CFAP69: variants seen among roughly 807,000 people sequenced by gnomAD.
The protein encoded by CFAP69 is cilia- and flagella-associated protein 69.
Under a neutral mutation model 123.0 loss-of-function variants are expected in CFAP69, and 92 were observed. The observed-to-expected ratio is 0.75, with a 90% CI of 0.63 to 0.89. CFAP69 has a LOEUF of 0.89. Ranked by LOEUF, CFAP69 falls within the 40% of genes least tolerant of loss-of-function variation. CFAP69 has a pLI of 0.00. For synonymous variants in CFAP69, 380 were observed against 364.3 expected (o/e 1.04, Z -0.49); for missense variants, 1,067 against 1,096.9 (o/e 0.97, Z 0.39).
chr7:90,319,635 T>A, the CFAP69 span: 1 of 398,650 alleles, frequency 2.5e-6, no homozygotes, highest in Admixed American at 4.4e-5. Flanking sequence ...TGGTGATTCC[T>A]GGGCTGATGC....
At chr7:90,318,291 TAACTC>T in the CFAP69 span, 5 of 152,180 alleles carry the variant, frequency 3.3e-5, no homozygotes, top group Admixed American at 6.5e-5. Flanking sequence ...ATATAAAAAA[TAACTC>T]AGCTAACACA....
chr7:90,314,405 T>C, downstream of CFAP69, among the ~76,000 whole-genome samples: 1 of 152,124 alleles, frequency 6.6e-6, no homozygotes, highest in East Asian at 1.9e-4. Context: ...GGCAGATCAC[T>C]TGGGTCCAGG....
rs1799974615 is a variant in CFAP69 at position 90,271,688 on chromosome 7, T to G, written c.682+13T>G. On this transcript the variant is annotated intron_variant, in intron 7 of 22. Transcript: ENST00000389297. ...CTCTCAACTTCTGGTTTGTATATTA[T>G]TAAGTTTAAACACTTCATTGTCAAC... 3 of 1,611,236 alleles carry G rather than the reference T, an allele frequency of 1.9e-6. No individual in the cohort carries two copies. Among genetic ancestry groups the G allele is most frequent in the Non-Finnish European group, 1.7e-6 (2 of 1,178,872 alleles).
intron 1 of CFAP69, among the ~76,000 whole-genome samples, chr7:90,253,725 C>T (rs971446723): frequency 1.6e-4 from 25 of 152,084 alleles, no homozygotes; most frequent in African/African-American, 4.3e-4. Flanking sequence ...CTTGTATATT[C>T]TTGTTATTAA....
intron 1 of CFAP69, among the ~76,000 whole-genome samples, chr7:90,245,944 A>G (rs1796268728): frequency 6.6e-6 from 1 of 152,216 alleles, no homozygotes; most frequent in Admixed American, 6.5e-5. Context: ...GATCCCTGTT[A>G]CCGAGTGATG....
At chr7:90,287,763 G>T (rs892754263) in intron 14 of CFAP69, 32 of 985,156 alleles carry the variant, frequency 3.2e-5, no homozygotes, top group Middle Eastern at 5.2e-4. Flanking sequence ...ATTAGTAAGA[G>T]AAAAATATTA....
At chr7:90,313,225 A>C (rs1053166872), downstream of CFAP69, among the ~76,000 whole-genome samples, 1 of 152,204 alleles carries the variant, frequency 6.6e-6, no homozygotes, top group East Asian at 1.9e-4. Flanking sequence ...ATACTCCTCT[A>C]AACTGTGACC....
At chr7:90,278,277 A>C (rs1306044397) in intron 11 of CFAP69, among the ~76,000 whole-genome samples, 1 of 152,160 alleles carries the variant, frequency 6.6e-6, no homozygotes, top group Non-Finnish European at 1.5e-5. Flanking sequence ...AGGTAGCTCA[A>C]CTTCAACATG....
At chr7:90,286,897 G>A (rs887720728) in intron 14 of CFAP69, among the ~76,000 whole-genome samples, 3 of 151,956 alleles carry the variant, frequency 2.0e-5, no homozygotes, top group African/African-American at 7.3e-5. Flanking sequence ...AGACCAGCCT[G>A]GCCAACATGG....
At chr7:90,306,671 G>A (rs978809132) in intron 19 of CFAP69, among the ~76,000 whole-genome samples, 12 of 152,200 alleles carry the variant, frequency 7.9e-5, no homozygotes, top group African/African-American at 2.7e-4. Context: ...AGGCATAGGA[G>A]AGCCTTATCC....
At chr7:90,284,560 G>C (rs531475834) in intron 13 of CFAP69, among the ~76,000 whole-genome samples, 92 of 152,262 alleles carry the variant, frequency 6.0e-4, no homozygotes, top group African/African-American at 2.1e-3. Flanking sequence ...GATAGCATGT[G>C]TTAGCCTACA....
rs1161901935 is a variant in CFAP69 at position 90,282,907 on chromosome 7, A to G, written c.1388A>G (p.His463Arg). 4 of 1,502,060 alleles carry G rather than the reference A, an allele frequency of 2.7e-6. No homozygotes were observed. The highest frequency in any genetic ancestry group is 1.8e-6 in the Non-Finnish European group (2 of 1,127,896). 93.0% of individuals were successfully genotyped at this position (1,502,060 alleles called of 1,614,324 possible). The change falls in exon 13 of 23, where the codon CAT (histidine) becomes CGT (arginine). Residue 463 changes from histidine (H) to arginine (R), a missense_variant. By Grantham distance (29) the His-to-Arg change is conservative. Coordinates refer to ENST00000389297, the MANE Select transcript of CFAP69 (RefSeq NM_001039706.3). ...WCESEDPFFSHGNSFHGTGGR... is the reference protein window; with the variant it reads ...WCESEDPFFSRGNSFHGTGGR... ...TTCTCCACAGATCCGTTTTTCAGTC[A>G]TGGTAACAGTTTTCATGGTACAGGT...
chr7:90,299,759 T>G, intron 16 of CFAP69, 108 bp from the exon 17 acceptor site: 1 of 916,430 alleles, frequency 1.1e-6, no homozygotes, highest in South Asian at 2.0e-5. Context: ...TGACTCTGAG[T>G]TTAGAAGAAA....
chr7:90,310,549 A>T lies in CFAP69; in HGVS notation c.*311A>T, dbSNP rs1351748871. ...CTAACTAGTTTAAGTCAGAAAAAAAATTTCTTACAGGCTCTATACCTATCA... is the reference window on the plus strand; with the variant it reads ...CTAACTAGTTTAAGTCAGAAAAAAATTTTCTTACAGGCTCTATACCTATCA... On this transcript the variant is annotated 3_prime_UTR_variant, in exon 23 of 23. Transcript: ENST00000389297. 2 of 164,076 alleles carry T rather than the reference A, an allele frequency of 1.2e-5. No homozygotes were observed. Among genetic ancestry groups the T allele is most frequent in the African/African-American group, 4.8e-5 (2 of 41,654 alleles). The allele number at this position is 164,076 out of a possible 1,614,324, so 10.2% of individuals were successfully genotyped here.
At chr7:90,294,273 CA>C (rs2117247984) in intron 15 of CFAP69, among the ~76,000 whole-genome samples, 1 of 152,242 alleles carries the variant, frequency 6.6e-6, no homozygotes, top group Admixed American at 6.5e-5. Flanking sequence ...TAATTTACAC[CA>C]AATGTTACAT....
In CFAP69 at chr7:90,267,207, A is replaced by G. The variant is rs539184430; in HGVS notation, c.434-1079A>G. On this transcript the variant is annotated intron_variant, in intron 5 of 22. Coordinates refer to ENST00000389297, the MANE Select transcript of CFAP69 (RefSeq NM_001039706.3). Reference sequence around the variant, plus strand: ...TAATCTTAAAACTGTCTTTTAAGTGATATCTTTTGCAGAGATTCTCCTGAA... The same window carrying G: ...TAATCTTAAAACTGTCTTTTAAGTGGTATCTTTTGCAGAGATTCTCCTGAA... Among the ~76,000 whole-genome samples, 3 of 152,312 alleles carry G rather than the reference A, an allele frequency of 2.0e-5. 1 individual carries two copies. Among genetic ancestry groups the G allele is most frequent in the South Asian group, 2.1e-4 (1 of 4,828 alleles).
intron 11 of CFAP69, among the ~76,000 whole-genome samples, chr7:90,279,250 G>A (rs1485670298): frequency 1.3e-5 from 2 of 152,106 alleles, no homozygotes; most frequent in African/African-American, 4.8e-5. Context: ...AACTGAGTCT[G>A]TGAGATATTT....
chr7:90,283,315 T>C (rs1789765122), intron 13 of CFAP69, among the ~76,000 whole-genome samples: 1 of 152,146 alleles, frequency 6.6e-6, no homozygotes, highest in African/African-American at 2.4e-5. Context: ...TTTAAAATGG[T>C]CTATTGTTAT....
At chr7:90,303,272 G>T (rs1370056307) in intron 17 of CFAP69, 1 of 151,354 alleles carries the variant, frequency 6.6e-6, no homozygotes, top group African/African-American at 2.4e-5. Context: ...AACAGGGATA[G>T]TTTGACTTCC....
Sources: gnomAD v4.1 joint callset for allele counts (sites outside exome capture counted in the v4.1 genomes callset) on GRCh38, gnomAD v4.1.1 for gene constraint, MANE v1.5 for transcripts, NCBI Gene and HGNC (gene_info 2026-07-23, HGNC 2026-07-21) for gene names.